Variants in DNHD1 observed in about 807,000 individuals in gnomAD.
The protein encoded by DNHD1 is dynein heavy chain domain 1.
DNHD1 carries 383 observed loss-of-function variants against 458.1 expected under a neutral mutation model. The ratio of observed to expected loss-of-function variants is 0.84; its 90% confidence interval spans 0.77 to 0.91. DNHD1 has a LOEUF of 0.91. Among genes scored for constraint, DNHD1 ranks in the 40% least tolerant of loss-of-function variants. DNHD1 has a pLI of 0.00. For missense variants in DNHD1, 5,336 were observed against 5,866.1 expected, an observed-to-expected ratio of 0.91 and a Z score of 2.95; for synonymous variants, 2,203 against 2,376.9, an observed-to-expected ratio of 0.93 and a Z score of 2.13.
chr11:6,556,695 G>C lies in DNHD1; in HGVS notation c.7400G>C (p.Ser2467Thr). Residue 2467 changes from serine to threonine, a missense_variant, in exon 25 of 43, where the codon AGC (serine) becomes ACC (threonine). This residue lies in a region of DNHD1 where 3,932 missense variants were observed against 4,365.6 expected (regional missense o/e 0.90). Transcript: ENST00000254579. ...LHLATSDPEK[S>T]CQPVLETLRQ... ...TCATGTCCCATAGACCCAGAGAAGA[G>C]CTGCCAGCCAGTGTTGGAGACTCTG... The C allele has an allele frequency of 1.9e-6, 3 of 1,543,014 alleles. No individual in the cohort carries two copies. Among genetic ancestry groups the C allele is most frequent in the Non-Finnish European group, 1.8e-6 (2 of 1,140,024 alleles).
In DNHD1 at chr11:6,548,963, G is replaced by A; in HGVS notation, c.7387+30G>A. ...GGAGCTGCGAAGAGGGAAGGAAGGA[G>A]CTACTGTCATCTCTTGAGACTATAA... On this transcript the variant is annotated intron_variant, in intron 24 of 42. Transcript: ENST00000254579. The surrounding 1 kb of genome is among the most constrained non-coding windows in gnomAD (Gnocchi z 4.4). The A allele has an allele frequency of 6.5e-7, 1 of 1,547,166 alleles. No homozygotes were observed. The highest frequency in any genetic ancestry group is 8.7e-7 in the Non-Finnish European group (1 of 1,145,090).
chr11:6,570,173 A>G lies in DNHD1; in HGVS notation c.12955+73A>G, dbSNP rs751004434. 12 of 1,613,472 alleles carry G rather than the reference A, an allele frequency of 7.4e-6. No homozygotes were observed. The South Asian group carries it at 8.8e-5, about 12-fold the overall frequency. Reference sequence around the variant, plus strand: ...CTGGAAGAGGGTGGGGGTGGGATACAATTCACAGCTTTGGTTTTGGCGGTG... The same window carrying G: ...CTGGAAGAGGGTGGGGGTGGGATACGATTCACAGCTTTGGTTTTGGCGGTG... On this transcript the variant is annotated intron_variant, in intron 40 of 42. Transcript: ENST00000254579.
intron 29 of DNHD1, 70 bp from the exon 30 acceptor site, chr11:6,563,312 C>CTAAAAACACCTT (rs1210621107): frequency 5.9e-5 from 90 of 1,529,214 alleles, no homozygotes; most frequent in Non-Finnish European, 7.7e-5. Context: ...GATGATTCCC[C>CTAAAAACACCTT]TAAAAACACC....
In DNHD1 at chr11:6,540,033, G is replaced by A; in HGVS notation, c.3578G>A (p.Ser1193Asn). Residue 1193 changes from serine (S) to asparagine (N), a missense_variant, in exon 18 of 43, where the codon AGC (serine) becomes AAC (asparagine). Transcript: ENST00000254579. ...SERSKRQVLR[S>N]PQWEVVDKDS... ...CGCTCCAAGAGGCAGGTGCTCCGCAGCCCCCAATGGGAGGTAGTGGACAAA... is the reference window on the plus strand; with the variant it reads ...CGCTCCAAGAGGCAGGTGCTCCGCAACCCCCAATGGGAGGTAGTGGACAAA... The A allele has an allele frequency of 1.3e-6, 2 of 1,551,658 alleles. No homozygotes were observed. The highest frequency in any genetic ancestry group is 1.4e-5 in the African/African-American group (1 of 73,176).
At chr11:6,542,314 C>A (rs1361207196) in intron 18 of DNHD1, among the ~76,000 whole-genome samples, 1 of 152,202 alleles carries the variant, frequency 6.6e-6, no homozygotes, top group Non-Finnish European at 1.5e-5. Flanking sequence ...TCTGCCTCAT[C>A]CTTAGATTTC....
At chr11:6,549,072 A>G (rs1853281699) in intron 24 of DNHD1, 139 bp downstream of exon 24, 2 of 951,808 alleles carry the variant, frequency 2.1e-6, no homozygotes, top group African/African-American at 1.7e-5. Context: ...TTCTCATTCT[A>G]CATATGCTCC....
intron 10 of DNHD1, 175 bp downstream of exon 10, chr11:6,520,464 A>G (rs1057185974): frequency 4.1e-6 from 6 of 1,447,658 alleles, no homozygotes; most frequent in Non-Finnish European, 5.4e-6. Context: ...AAGGTCAGGG[A>G]ATGTTTTTGC....
Position 6,557,602 on chromosome 11 carries a change from G to A in DNHD1, c.8307G>A (p.Arg2769=). Residue 2769 remains arginine, a synonymous_variant, in exon 25 of 43, where the codon AGG becomes AGA. Coordinates refer to ENST00000254579, the MANE Select transcript of DNHD1 (RefSeq NM_144666.3). ...AGGAAAGCATAAGTCACAAGATAAGGCAAGAGAAAGGCACAAGGGCATCCA... is the reference window on the plus strand; with the variant it reads ...AGGAAAGCATAAGTCACAAGATAAGACAAGAGAAAGGCACAAGGGCATCCA... The part of the protein sequence containing the change: ...GMKESISHKI[R]QEKGTRASNY... The A allele has an allele frequency of 6.4e-7, 1 of 1,551,750 alleles. No homozygotes were observed. Among genetic ancestry groups the A allele is most frequent in the South Asian group, 1.2e-5 (1 of 84,062 alleles).
At position 6,544,923 on chromosome 11, in the gene DNHD1, A is replaced by G; in HGVS notation, c.3984A>G (p.Gln1328=). Residue 1328 remains glutamine (Q), a synonymous_variant, in exon 21 of 43, where the codon CAA becomes CAG. Transcript: ENST00000254579. ...CTTACTTCCAAGGCCAGCAGCTGCA[A>G]CAACTGCTGCAAGCAGGATCGGTGG... is the stretch of plus-strand genomic sequence containing the variant. ...RSPYFQGQQL[Q]QLLQAGSVEL... is the part of the protein sequence containing the mutation. 6.4e-7 allele frequency: 1 copy of G among 1,551,722 alleles called. No homozygotes were observed. The highest frequency in any genetic ancestry group is 8.7e-7 in the Non-Finnish European group (1 of 1,146,990).
chr11:6,548,037 C>T lies in DNHD1; in HGVS notation c.6902C>T (p.Ser2301Phe), dbSNP rs750045827. ...LIWGFGAHLP[S>F]RFWPIFDTFI... Reference sequence around the variant, plus strand: ...TGGGGCTTTGGAGCCCACCTTCCCTCCAGGTACCTACCAGGATGGGGGATG... The same window carrying T: ...TGGGGCTTTGGAGCCCACCTTCCCTTCAGGTACCTACCAGGATGGGGGATG... The change falls in exon 22 of 43, where the codon TCC (serine) becomes TTC (phenylalanine). Residue 2301 changes from serine to phenylalanine, a missense_variant. Coordinates refer to ENST00000254579, the MANE Select transcript of DNHD1 (RefSeq NM_144666.3). The surrounding 1 kb of genome is among the most constrained non-coding windows in gnomAD (Gnocchi z 4.4). 2.6e-5 allele frequency: 41 copies of T among 1,551,578 alleles called. No individual in the cohort carries two copies. Among genetic ancestry groups the T allele is most frequent in the Non-Finnish European group, 3.3e-5 (38 of 1,147,010 alleles).
Position 6,564,806 on chromosome 11 carries a change from T to C in DNHD1, c.10756+2T>C, listed in dbSNP as rs1412411982. The C allele has an allele frequency of 6.6e-7, 1 of 1,504,660 alleles. No individual in the cohort carries two copies. Among genetic ancestry groups the C allele is most frequent in the Non-Finnish European group, 8.9e-7 (1 of 1,119,826 alleles). The allele number at this position is 1,504,660 out of a possible 1,614,324, so 93.2% of individuals were successfully genotyped here. ...CGCCAGCCCTCACTGAGGGTAGAGG[T>C]AAGCAGGCATAATAAATGCAATGCT... On this transcript the variant is annotated splice_donor_variant, in intron 32 of 42. Transcript: ENST00000254579. LOFTEE classifies it high-confidence loss of function.
At position 6,558,036 on chromosome 11, in the gene DNHD1, A is replaced by T. The variant is rs1853506533; in HGVS notation, c.8741A>T (p.His2914Leu). 6 of 1,551,506 alleles carry T rather than the reference A, an allele frequency of 3.9e-6. No individual in the cohort carries two copies. The African/African-American group carries it at 6.8e-5, about 18-fold the overall frequency. Residue 2914 changes from histidine (H) to leucine (L), a missense_variant, in exon 25 of 43, where the codon CAT becomes CTT. This residue lies in a region of DNHD1 where 3,932 missense variants were observed against 4,365.6 expected (regional missense o/e 0.90). Transcript: ENST00000254579. ...ASSICQAHFFHLPSGSEEAIL... is the reference protein window; with the variant it reads ...ASSICQAHFFLLPSGSEEAIL... ...AGCATTTGTCAGGCCCATTTCTTTCATCTACCATCTGGGTCAGAGGAGGCC... is the reference window on the plus strand; with the variant it reads ...AGCATTTGTCAGGCCCATTTCTTTCTTCTACCATCTGGGTCAGAGGAGGCC...
chr11:6,520,469 T>A, intron 10 of DNHD1, 180 bp downstream of exon 10: 1 of 1,444,490 alleles, frequency 6.9e-7, no homozygotes, highest in Non-Finnish European at 9.1e-7. Context: ...CAGGGAATGT[T>A]TTTGCTCACA....
intron 24 of DNHD1, among the ~76,000 whole-genome samples, chr11:6,551,867 G>A (rs1159069150): frequency 6.6e-6 from 1 of 150,728 alleles, no homozygotes; most frequent in South Asian, 2.1e-4. Flanking sequence ...CTTGAACCAG[G>A]GAGGTGGAAG....
intron 18 of DNHD1, 90 bp downstream of exon 18, chr11:6,540,173 C>A: frequency 8.5e-7 from 1 of 1,182,594 alleles, no homozygotes; most frequent in Non-Finnish European, 1.2e-6. Context: ...AGATCTGATT[C>A]TCTAGCCAGG....
In DNHD1 at chr11:6,559,303, G is replaced by A; in HGVS notation, c.9519+20G>A. The A allele has an allele frequency of 6.5e-7, 1 of 1,546,674 alleles. No individual in the cohort carries two copies. Among genetic ancestry groups the A allele is most frequent in the Non-Finnish European group, 8.7e-7 (1 of 1,142,986 alleles). On this transcript the variant is annotated intron_variant, in intron 28 of 42. Transcript: ENST00000254579. ...GGCAAGGTAAGGAGATGATTTTGAG[G>A]CTTCCATGGTGGTGTCAAAGCAGGA...
chr11:6,511,329 A>G lies in DNHD1; in HGVS notation c.1292A>G (p.Tyr431Cys), dbSNP rs139730836. 831 of 1,614,240 alleles carry G rather than the reference A, an allele frequency of 5.1e-4. No homozygotes were observed. Among genetic ancestry groups the G allele is most frequent in the Middle Eastern group, 6.6e-4 (4 of 6,062 alleles). Residue 431 changes from tyrosine to cysteine, a missense_variant, in exon 7 of 43, where the codon TAT (tyrosine) becomes TGT (cysteine). Around this residue, in one of 4 missense-constraint regions of DNHD1, gnomAD observed 3,932 missense variants for 4,365.6 expected, o/e 0.90. Transcript: ENST00000254579. Reference sequence around the variant, plus strand: ...CTACCCCAGGAACTGGATCGGTGCTATGAGCTGCTGGACCTGCAGACGGCT... The same window carrying G: ...CTACCCCAGGAACTGGATCGGTGCTGTGAGCTGCTGGACCTGCAGACGGCT... ...SWLPQELDRC[Y>C]ELLDLQTALA...
intron 3 of DNHD1, among the ~76,000 whole-genome samples, chr11:6,499,726 C>G (rs1442923036): frequency 6.6e-6 from 1 of 151,990 alleles, no homozygotes; most frequent in South Asian, 2.1e-4. Context: ...TGCCACCATA[C>G]TCAGCTAATT....
chr11:6,539,655 G>GT (rs962596937), intron 17 of DNHD1, among the ~76,000 whole-genome samples: 1 of 152,220 alleles, frequency 6.6e-6, no homozygotes, highest in African/African-American at 2.4e-5. Flanking sequence ...GCAAAAGTGG[G>GT]TGGGGGTTCC....
Sources: allele counts gnomAD v4.1 joint callset (sites outside exome capture counted in the v4.1 genomes callset), GRCh38; gene constraint gnomAD v4.1.1; regional missense constraint gnomAD v4.1.1; non-coding constraint Gnocchi (gnomAD v3.1); transcripts MANE v1.5; gene names NCBI Gene and HGNC (gene_info 2026-07-23, HGNC 2026-07-21).